The following ETV6 variants were observed in gnomAD, a reference collection of about 807,000 sequenced individuals.
The protein encoded by ETV6 is ETS variant transcription factor 6, also known as transcription factor ETV6.
A neutral mutation model predicts 51.1 loss-of-function variants in ETV6; 16 were observed. That is an observed-to-expected ratio of 0.31 (90% CI 0.21 to 0.48). The LOEUF (loss-of-function observed/expected upper bound fraction) is 0.48, where lower values mean the gene tolerates loss of function less well. Ranked by LOEUF, ETV6 falls within the 20% of genes least tolerant of loss-of-function variation. The pLI is 0.99. For synonymous variants in ETV6, 240 were observed against 224.1 expected, an observed-to-expected ratio of 1.07 and a Z score of -0.64; for missense variants, 458 against 594.8, an observed-to-expected ratio of 0.77 and a Z score of 2.39.
chr12:11,774,958 C>T (rs1046320691), intron 2 of ETV6, among the ~76,000 whole-genome samples: 2 of 152,174 alleles, frequency 1.3e-5, no homozygotes, highest in Admixed American at 6.5e-5. Flanking sequence ...ATGTGTGGAT[C>T]ATTATTCAGC....
At chr12:11,736,750 G>A (rs1865709178) in intron 1 of ETV6, among the ~76,000 whole-genome samples, 2 of 152,178 alleles carry the variant, frequency 1.3e-5, no homozygotes, top group Non-Finnish European at 2.9e-5. Context: ...GATGGGGCAG[G>A]GCTGGCAGCT....
At chr12:11,798,976 A>G (rs1945712524) in intron 2 of ETV6, among the ~76,000 whole-genome samples, 1 of 152,188 alleles carries the variant, frequency 6.6e-6, no homozygotes, top group Admixed American at 6.5e-5. Flanking sequence ...TGCCAAAACA[A>G]ATGTATGTGA....
rs115539358 is a variant in ETV6 at position 11,847,687 on chromosome 12, A to G, written c.329-5740A>G. On this transcript the variant is annotated intron_variant, in intron 3 of 7. Coordinates refer to ENST00000396373, the MANE Select transcript of ETV6 (RefSeq NM_001987.5). Reference sequence around the variant, plus strand: ...TTGACAACAGGGAGGTGACCTGAGCAAAAGCAGATTGGAGAAGGGTGGGAG... The same window carrying G: ...TTGACAACAGGGAGGTGACCTGAGCGAAAGCAGATTGGAGAAGGGTGGGAG... Among the ~76,000 whole-genome samples, 1,201 of 152,332 alleles carry G rather than the reference A, an allele frequency of 7.9e-3. 18 individuals carry two copies. Among genetic ancestry groups the G allele is most frequent in the African/African-American group, 0.026 (1,084 of 41,576 alleles).
At chr12:11,882,859 C>G (rs1947121221) in intron 5 of ETV6, among the ~76,000 whole-genome samples, 1 of 152,196 alleles carries the variant, frequency 6.6e-6, no homozygotes, top group African/African-American at 2.4e-5. Flanking sequence ...TGGACACTCC[C>G]CTTTCAAATG....
intron 1 of ETV6, among the ~76,000 whole-genome samples, chr12:11,700,684 A>G (rs533237769): frequency 6.6e-6 from 1 of 152,294 alleles, no homozygotes; most frequent in African/African-American, 2.4e-5. Context: ...GAGAAAATAT[A>G]TTTACCGTTC....
chr12:11,772,021 T>A (rs1189589729), intron 2 of ETV6, among the ~76,000 whole-genome samples: 1 of 152,206 alleles, frequency 6.6e-6, no homozygotes, highest in Non-Finnish European at 1.5e-5. Context: ...GTATGATACA[T>A]CAGCAGTAGG....
At chr12:11,759,549 A>G (rs750356983) in intron 2 of ETV6, among the ~76,000 whole-genome samples, 6 of 152,248 alleles carry the variant, frequency 3.9e-5, no homozygotes, top group Non-Finnish European at 8.8e-5. Context: ...AGTCCATTTT[A>G]TGAAACTTGA....
chr12:11,690,024 A>C (rs1864722516), intron 1 of ETV6, among the ~76,000 whole-genome samples: 1 of 151,970 alleles, frequency 6.6e-6, no homozygotes, highest in African/African-American at 2.4e-5. Context: ...AAAGGGTCAG[A>C]ATATTCAGAG....
intron 1 of ETV6, among the ~76,000 whole-genome samples, chr12:11,725,949 A>G (rs1003524862): frequency 2.0e-5 from 3 of 152,160 alleles, no homozygotes; most frequent in Non-Finnish European, 4.4e-5. Flanking sequence ...TCTTTTCTTT[A>G]TGAATTCCCC....
At chr12:11,872,827 A>G (rs191103142) in intron 5 of ETV6, among the ~76,000 whole-genome samples, 206 of 152,114 alleles carry the variant, frequency 1.4e-3, no homozygotes, top group South Asian at 2.5e-3. Flanking sequence ...TCATTCCCCA[A>G]TATCAGTGTT....
intron 2 of ETV6, among the ~76,000 whole-genome samples, chr12:11,756,588 T>C (rs1337567224): frequency 6.6e-6 from 1 of 152,212 alleles, no homozygotes; most frequent in Non-Finnish European, 1.5e-5. Context: ...CTCTTGACTC[T>C]ACGCAGAGAA....
At chr12:11,884,024 C>T (rs1403365622) in intron 5 of ETV6, among the ~76,000 whole-genome samples, 3 of 152,214 alleles carry the variant, frequency 2.0e-5, no homozygotes, top group Admixed American at 6.5e-5. Flanking sequence ...TTTTACCACA[C>T]AGCTCTCTCT....
chr12:11,873,197 A>T (rs1192433007), intron 5 of ETV6, among the ~76,000 whole-genome samples: 2 of 152,216 alleles, frequency 1.3e-5, no homozygotes, highest in Non-Finnish European at 2.9e-5. Flanking sequence ...CGAAGAAGGT[A>T]GGACTGAATC....
chr12:11,705,152 T>G (rs1166216450), intron 1 of ETV6, among the ~76,000 whole-genome samples: 1 of 152,186 alleles, frequency 6.6e-6, no homozygotes, highest in Non-Finnish European at 1.5e-5. Context: ...CTTTTGGTTC[T>G]GTTGCTGTTG....
intron 3 of ETV6, chr12:11,840,684 G>A: frequency 1.2e-5 from 4 of 330,396 alleles, no homozygotes; most frequent in South Asian, 9.4e-5. Context: ...ATGAAGAAAT[G>A]CTAAAGAAGT....
chr12:11,825,880 C>G (rs999468589), intron 2 of ETV6, among the ~76,000 whole-genome samples: 2 of 149,338 alleles, frequency 1.3e-5, no homozygotes, highest in Non-Finnish European at 3.0e-5. Flanking sequence ...TTCTGTCACC[C>G]AGGCTGGAGT....
chr12:11,823,973 C>T (rs886969906), intron 2 of ETV6, among the ~76,000 whole-genome samples: 6 of 152,130 alleles, frequency 3.9e-5, no homozygotes, highest in Non-Finnish European at 8.8e-5. Context: ...TTTGGTGGGG[C>T]CAGAGACCCC....
intron 3 of ETV6, among the ~76,000 whole-genome samples, chr12:11,843,865 A>C (rs186865968): frequency 7.2e-4 from 110 of 152,338 alleles, no homozygotes; most frequent in African/African-American, 2.5e-3. Context: ...GGTTGGAGAC[A>C]AATGGAATAT....
At chr12:11,857,712 A>G (rs1051353019) in intron 4 of ETV6, among the ~76,000 whole-genome samples, 1 of 152,218 alleles carries the variant, frequency 6.6e-6, no homozygotes, top group Admixed American at 6.5e-5. Flanking sequence ...GTATGTATGT[A>G]TATTTTAAAG....
Sources: allele counts gnomAD v4.1 joint callset (sites outside exome capture counted in the v4.1 genomes callset), GRCh38; gene constraint gnomAD v4.1.1; transcripts MANE v1.5; gene names NCBI Gene and HGNC (gene_info 2026-07-23, HGNC 2026-07-21).